Variants in RPTOR observed in about 807,000 individuals in gnomAD.
The protein encoded by RPTOR is regulatory-associated protein of mTOR.
A neutral mutation model predicts 169.9 loss-of-function variants in RPTOR; 21 were observed. That is an observed-to-expected ratio of 0.12 (90% confidence interval 0.09 to 0.18). RPTOR has a LOEUF of 0.18. Ranked by LOEUF, RPTOR falls within the 10% of genes least tolerant of loss-of-function variation. The probability of loss-of-function intolerance (pLI) is 1.00; values close to 1 mark genes in which losing one functional copy is unlikely to be tolerated. For missense variants in RPTOR, 1,133 were observed against 1,855.9 expected (o/e 0.61, Z 7.16); for synonymous variants, 732 against 753.2 (o/e 0.97, Z 0.46).
rs180889775 is a variant in RPTOR at position 80,832,720 on chromosome 17, G to A, written c.1137-5202G>A. On this transcript the variant is annotated intron_variant, in intron 9 of 33. Transcript: ENST00000306801. ...GGGGCTCTGCAGGGCTGTCTGCCAC[G>A]AAAACAATGCCCAGAGCTCTCTCCT... Among the ~76,000 whole-genome samples, 16 of 152,220 alleles carry A rather than the reference G, an allele frequency of 1.1e-4. No individual in the cohort carries two copies. The East Asian group carries it at 1.5e-3, about 15-fold the overall frequency.
In RPTOR at chr17:80,659,920, T is replaced by A. The variant is rs1219070797; in HGVS notation, c.348+16110T>A. 1.3e-5 allele frequency among the ~76,000 whole-genome samples: 2 copies of A among 152,172 alleles called. No individual in the cohort carries two copies. Among genetic ancestry groups the A allele is most frequent in the African/African-American group, 4.8e-5 (2 of 41,436 alleles). On this transcript the variant is annotated intron_variant, in intron 3 of 33. Coordinates refer to ENST00000306801, the MANE Select transcript of RPTOR (RefSeq NM_020761.3). This position sits in a 1 kb window ranked among gnomAD's most constrained non-coding sequence, Gnocchi z 4.3. ...GCCTTGGCCTCCCAAAGTGCTGGGATTTGAGCATGAACCACCGTGCCTGGC... is the reference window on the plus strand; with the variant it reads ...GCCTTGGCCTCCCAAAGTGCTGGGAATTGAGCATGAACCACCGTGCCTGGC...
At chr17:80,862,313 C>T (rs1039099868) in intron 13 of RPTOR, among the ~76,000 whole-genome samples, 2 of 152,112 alleles carry the variant, frequency 1.3e-5, no homozygotes, top group African/African-American at 4.8e-5. Flanking sequence ...AACTGAGCCT[C>T]GTCTACCTCA....
At chr17:80,879,029 G>A (rs11150753) in intron 13 of RPTOR, among the ~76,000 whole-genome samples, 33,912 of 151,752 alleles carry the variant, frequency 0.22, 4,026 homozygotes, top group East Asian at 0.37. Flanking sequence ...CCCGATAAGC[G>A]GTGACTTCTC....
At chr17:80,587,464 A>G (rs1259281686) in intron 1 of RPTOR, among the ~76,000 whole-genome samples, 2 of 152,198 alleles carry the variant, frequency 1.3e-5, no homozygotes, top group African/African-American at 2.4e-5. Flanking sequence ...GTTTTTATAT[A>G]TGAATTTTGG....
chr17:80,585,267 C>A (rs1483623253), intron 1 of RPTOR, among the ~76,000 whole-genome samples: 1 of 149,854 alleles, frequency 6.7e-6, no homozygotes, highest in Non-Finnish European at 1.5e-5. Flanking sequence ...TGCAGTGGTG[C>A]GATCTCGACT....
intron 1 of RPTOR, among the ~76,000 whole-genome samples, chr17:80,614,955 G>A (rs1174267900): frequency 5.3e-5 from 8 of 152,170 alleles, no homozygotes; most frequent in African/African-American, 1.9e-4. Flanking sequence ...CTTTGGCCTT[G>A]TCCTGCGGTA....
At chr17:80,700,544 A>ATGGTGATGGTGATGATGG (rs2066080721) in intron 3 of RPTOR, among the ~76,000 whole-genome samples, 1 of 95,138 alleles carries the variant, frequency 1.1e-5, no homozygotes, top group Non-Finnish European at 2.1e-5. Flanking sequence ...GGTGATGATG[A>ATGGTGATGGTGATGATGG]TGGTGGTGGT....
chr17:80,961,242 T>C, intron 30 of RPTOR, 152 bp from the exon 31 acceptor site: 1 of 661,990 alleles, frequency 1.5e-6, no homozygotes, highest in South Asian at 2.0e-5. Context: ...GCTCTGACCC[T>C]GCGTGAGCAC....
intron 3 of RPTOR, among the ~76,000 whole-genome samples, chr17:80,694,495 G>A (rs553690094): frequency 2.6e-4 from 39 of 152,344 alleles, no homozygotes; most frequent in African/African-American, 7.0e-4. Flanking sequence ...AGGCTTGTGC[G>A]TTGAGTGCCT....
At chr17:80,935,862 A>G (rs1210611601) in intron 24 of RPTOR, among the ~76,000 whole-genome samples, 3 of 152,224 alleles carry the variant, frequency 2.0e-5, no homozygotes, top group Non-Finnish European at 4.4e-5. Context: ...GAAAAAAACG[A>G]TAAGTTGGGC....
chr17:80,739,009 A>G (rs1353225856), intron 5 of RPTOR, among the ~76,000 whole-genome samples: 2 of 152,100 alleles, frequency 1.3e-5, no homozygotes, highest in Admixed American at 6.5e-5. Flanking sequence ...AATTTCATCT[A>G]TTTTAAAGTA....
chr17:80,656,271 A>G (rs1324801496), intron 3 of RPTOR, among the ~76,000 whole-genome samples: 1 of 152,104 alleles, frequency 6.6e-6, no homozygotes, highest in South Asian at 2.1e-4. Flanking sequence ...GAGTTTCACC[A>G]TGTTGGTCAG....
chr17:80,822,359 C>G, intron 8 of RPTOR, 58 bp downstream of exon 8: 7 of 1,518,436 alleles, frequency 4.6e-6, no homozygotes, highest in Non-Finnish European at 5.5e-6. Context: ...CGCGGGGAGC[C>G]GACTCTCGGA....
intron 1 of RPTOR, among the ~76,000 whole-genome samples, chr17:80,567,949 T>C (rs2064863433): frequency 6.6e-6 from 1 of 151,886 alleles, no homozygotes; most frequent in Admixed American, 6.6e-5. Context: ...CTCTGTTGCT[T>C]CGTCTGGAGT....
At chr17:80,885,831 G>A (rs866668898) in intron 17 of RPTOR, among the ~76,000 whole-genome samples, 9 of 152,300 alleles carry the variant, frequency 5.9e-5, no homozygotes, top group Middle Eastern at 3.4e-3. Context: ...GTGAGCCACC[G>A]CGCCCGGCCA....
intron 3 of RPTOR, among the ~76,000 whole-genome samples, chr17:80,706,079 T>G (rs1410206303): frequency 6.6e-6 from 1 of 152,242 alleles, no homozygotes; most frequent in Non-Finnish European, 1.5e-5. Flanking sequence ...AAGAAAGTTT[T>G]AAAAGTTTAT....
chr17:80,891,696 A>G (rs762048335), intron 17 of RPTOR, 24 bp from the exon 18 acceptor site: 1 of 1,488,734 alleles, frequency 6.7e-7, no homozygotes, highest in South Asian at 1.1e-5. Flanking sequence ...AGTGACTGTT[A>G]TTGTCCCTTC....
intron 17 of RPTOR, among the ~76,000 whole-genome samples, chr17:80,887,457 T>C (rs996473124): frequency 3.3e-5 from 5 of 152,090 alleles, no homozygotes; most frequent in African/African-American, 1.2e-4. Flanking sequence ...TGGTTTTCTC[T>C]TCTGTTTACT....
At chr17:80,719,919 T>G (rs751099715) in intron 4 of RPTOR, among the ~76,000 whole-genome samples, 6 of 152,222 alleles carry the variant, frequency 3.9e-5, no homozygotes, top group Non-Finnish European at 7.3e-5. Flanking sequence ...TAATAGGATT[T>G]ATTGGTTTTT....
Sources: allele counts gnomAD v4.1 joint callset (sites outside exome capture counted in the v4.1 genomes callset), GRCh38; gene constraint gnomAD v4.1.1; non-coding constraint Gnocchi (gnomAD v3.1); transcripts MANE v1.5; gene names NCBI Gene and HGNC (gene_info 2026-07-23, HGNC 2026-07-21).